ZEB1: variants seen among roughly 807,000 people sequenced by gnomAD.
ZEB1 encodes the protein zinc finger E-box-binding homeobox 1.
A neutral mutation model predicts 84.9 loss-of-function variants in ZEB1; 21 were observed. The ratio of observed to expected loss-of-function variants is 0.25; its 90% CI spans 0.18 to 0.36. The LOEUF (loss-of-function observed/expected upper bound fraction) is 0.36. Among genes scored for constraint, ZEB1 ranks in the 10% least tolerant of loss-of-function variants. ZEB1 has a pLI of 1.00. For missense variants in ZEB1, 1,104 were observed against 1,330.2 expected (o/e 0.83, Z 2.65); for synonymous variants, 420 against 471.1 (o/e 0.89, Z 1.41).
intron 2 of ZEB1, among the ~76,000 whole-genome samples, chr10:31,479,260 ACAAGT>A (rs891558412): frequency 2.6e-5 from 4 of 151,926 alleles, no homozygotes; most frequent in Non-Finnish European, 5.9e-5. Context: ...CCCAACAAAG[ACAAGT>A]CAAGATGAGA....
At chr10:31,340,712 A>G (rs905301871) in intron 1 of ZEB1, among the ~76,000 whole-genome samples, 1 of 152,176 alleles carries the variant, frequency 6.6e-6, no homozygotes, top group Non-Finnish European at 1.5e-5. Context: ...TGTATAAAGC[A>G]TGGTCACTAT....
At chr10:31,358,197 A>G (rs920536887) in intron 1 of ZEB1, 1 of 152,228 alleles carries the variant, frequency 6.6e-6, no homozygotes, top group Non-Finnish European at 1.5e-5. Flanking sequence ...AGAGATGTGG[A>G]TATAGAAATC....
chr10:31,374,850 G>T (rs1011060722), intron 1 of ZEB1: 2 of 151,606 alleles, frequency 1.3e-5, no homozygotes, highest in African/African-American at 4.8e-5. Context: ...GCATTCTTAC[G>T]TGAGAATTTC....
At chr10:31,385,734 G>A (rs1328408384) in intron 1 of ZEB1, among the ~76,000 whole-genome samples, 2 of 151,872 alleles carry the variant, frequency 1.3e-5, no homozygotes, top group Admixed American at 6.6e-5. Flanking sequence ...CACCATGTTG[G>A]CCAAGCTGGT....
rs1321626149 is a variant in ZEB1, at chr10:31,482,197, G to C, written c.260-13579G>C. Among the ~76,000 whole-genome samples, 3 of 151,944 alleles carry C rather than the reference G, an allele frequency of 2.0e-5. No homozygotes were observed. In the East Asian group the frequency reaches 5.8e-4, roughly 29 times the overall value. On this transcript the variant is annotated intron_variant, in intron 2 of 8. Coordinates refer to ENST00000424869, the MANE Select transcript of ZEB1 (RefSeq NM_001174096.2). ...CCATGTGCCACTAGTGTGGTATATTGACAAGGGCACCTATTGCTTTAGTTC... is the reference window on the plus strand; with the variant it reads ...CCATGTGCCACTAGTGTGGTATATTCACAAGGGCACCTATTGCTTTAGTTC...
intron 1 of ZEB1, among the ~76,000 whole-genome samples, chr10:31,448,021 T>C (rs1277967920): frequency 2.7e-5 from 4 of 150,670 alleles, no homozygotes. Context: ...CCAACTTGGT[T>C]CCATTCTCCC....
At chr10:31,326,793 T>C (rs2035591687) in intron 1 of ZEB1, among the ~76,000 whole-genome samples, 1 of 152,240 alleles carries the variant, frequency 6.6e-6, no homozygotes, top group Non-Finnish European at 1.5e-5. Flanking sequence ...TTCTAATACA[T>C]ATGCATACAT....
intron 1 of ZEB1, among the ~76,000 whole-genome samples, chr10:31,349,626 G>A (rs1477987938): frequency 6.6e-6 from 1 of 152,110 alleles, no homozygotes; most frequent in African/African-American, 2.4e-5. Flanking sequence ...ACAGGTGTGA[G>A]GTAGTCTCTC....
chr10:31,525,106 A>T lies in ZEB1; in HGVS notation c.2785+993A>T, dbSNP rs118019578. 2.6e-3 allele frequency among the ~76,000 whole-genome samples: 398 copies of T among 152,358 alleles called. 6 individuals carry two copies. In the East Asian group the frequency reaches 0.041, roughly 16 times the overall value. ...AGAATATTTATGACTGATGAAAATT[A>T]TGTGAAAGTCAAATATCAGCATCCG... is the stretch of plus-strand genomic sequence containing the variant. On this transcript the variant is annotated intron_variant, in intron 8 of 8. Coordinates refer to ENST00000424869, the MANE Select transcript of ZEB1 (RefSeq NM_001174096.2).
chr10:31,527,729 GTATTT>G lies in ZEB1; in HGVS notation c.*470_*474del, dbSNP rs1371080671. The G allele has an allele frequency of 6.2e-6, 1 of 161,310 alleles. No individual in the cohort carries two copies. Among genetic ancestry groups the G allele is most frequent in the Non-Finnish European group, 1.4e-5 (1 of 72,786 alleles). 10.0% of individuals were successfully genotyped at this position (161,310 alleles called of 1,614,324 possible). On this transcript the variant is annotated 3_prime_UTR_variant, in exon 9 of 9. Transcript: ENST00000424869. ...GTAAACATATGCTAAATCCGCTTCAGTATTTTATTATGTTTTTTAAAATGTGAGAA... is the reference window on the plus strand; with the variant it reads ...GTAAACATATGCTAAATCCGCTTCAGTATTATGTTTTTTAAAATGTGAGAA...
chr10:31,467,263 T>C (rs914403692), intron 2 of ZEB1, among the ~76,000 whole-genome samples: 3 of 152,120 alleles, frequency 2.0e-5, no homozygotes, highest in African/African-American at 7.2e-5. Context: ...GAGGCACTAC[T>C]TGAAGCCACA....
chr10:31,496,899 A>G (rs1591857447), intron 3 of ZEB1, among the ~76,000 whole-genome samples: 2 of 152,258 alleles, frequency 1.3e-5, no homozygotes, highest in South Asian at 2.1e-4. Context: ...TATACTCGTC[A>G]GTCATTTCTG....
chr10:31,406,607 G>A (rs1348105243), intron 1 of ZEB1, among the ~76,000 whole-genome samples: 8 of 152,040 alleles, frequency 5.3e-5, no homozygotes, highest in African/African-American at 1.7e-4. Context: ...CTGTCAGATG[G>A]ATAGGTTGCA....
At chr10:31,353,526 C>T (rs1299476357) in intron 1 of ZEB1, among the ~76,000 whole-genome samples, 3 of 152,146 alleles carry the variant, frequency 2.0e-5, no homozygotes, top group African/African-American at 7.2e-5. Context: ...GCAGAAAAAT[C>T]TTACAGCTTT....
intron 1 of ZEB1, among the ~76,000 whole-genome samples, chr10:31,348,817 TTTAAA>T (rs1365472732): frequency 6.6e-6 from 1 of 152,212 alleles, no homozygotes; most frequent in Admixed American, 6.5e-5. Context: ...CTGTTATTTG[TTTAAA>T]TTGATAAAAT....
intron 1 of ZEB1, among the ~76,000 whole-genome samples, chr10:31,427,308 C>A (rs768398248): frequency 3.9e-5 from 6 of 152,064 alleles, no homozygotes; most frequent in Admixed American, 1.3e-4. Flanking sequence ...CTTCTAATTG[C>A]CATATTCTTA....
intron 1 of ZEB1, chr10:31,374,969 T>C: frequency 6.6e-6 from 1 of 151,504 alleles, no homozygotes; most frequent in South Asian, 2.1e-4. Flanking sequence ...TTAAAGGTAG[T>C]ATGATTTTCC....
At chr10:31,492,775 G>A (rs151301531) in intron 2 of ZEB1, among the ~76,000 whole-genome samples, 1 of 151,948 alleles carries the variant, frequency 6.6e-6, no homozygotes, top group East Asian at 1.9e-4. Context: ...TCCTGCAAAT[G>A]ATAGTAAGTC....
intron 1 of ZEB1, among the ~76,000 whole-genome samples, chr10:31,444,175 A>G (rs2059442502): frequency 1.4e-5 from 2 of 147,682 alleles, no homozygotes; most frequent in African/African-American, 5.1e-5. Context: ...GATGATGAGC[A>G]TTTTTTCATG....
Sources: gnomAD v4.1 joint callset for allele counts (sites outside exome capture counted in the v4.1 genomes callset) on GRCh38, gnomAD v4.1.1 for gene constraint, MANE v1.5 for transcripts, NCBI Gene and HGNC (gene_info 2026-07-23, HGNC 2026-07-21) for gene names.